ZDHHC14: variants seen among roughly 807,000 people sequenced by gnomAD.
The protein encoded by ZDHHC14 is palmitoyltransferase ZDHHC14.
A neutral mutation model predicts 47.7 loss-of-function variants in ZDHHC14; 16 were observed. That is an observed-to-expected ratio of 0.34 (90% CI 0.23 to 0.51). The LOEUF is 0.51. Ranked by LOEUF, ZDHHC14 falls within the 20% of genes least tolerant of loss-of-function variation. ZDHHC14 has a pLI of 0.97. For synonymous variants in ZDHHC14, 293 were observed against 278.9 expected (o/e 1.05, Z -0.50); for missense variants, 515 against 662.5 (o/e 0.78, Z 2.44).
At chr6:157,619,803 A>G (rs1785114546) in intron 3 of ZDHHC14, among the ~76,000 whole-genome samples, 1 of 152,200 alleles carries the variant, frequency 6.6e-6, no homozygotes, top group South Asian at 2.1e-4. Context: ...GAATTCATGC[A>G]GATACTAATA....
At chr6:157,434,367 C>T (rs928569041) in intron 1 of ZDHHC14, among the ~76,000 whole-genome samples, 4 of 151,948 alleles carry the variant, frequency 2.6e-5, no homozygotes, top group African/African-American at 9.7e-5. Context: ...CCGAGAACAC[C>T]CTTAGGAGCT....
chr6:157,393,122 G>A (rs146337407), intron 1 of ZDHHC14, among the ~76,000 whole-genome samples: 3,886 of 152,180 alleles, frequency 0.026, 185 homozygotes, highest in African/African-American at 0.089. Context: ...CAGGTGATTC[G>A]CCTGCCTCGG....
chr6:157,672,239 C>A (rs964891245), intron 8 of ZDHHC14, among the ~76,000 whole-genome samples: 1 of 152,218 alleles, frequency 6.6e-6, no homozygotes, highest in Non-Finnish European at 1.5e-5. Flanking sequence ...CTGCTGTCAT[C>A]CATCAGTGGA....
intron 3 of ZDHHC14, among the ~76,000 whole-genome samples, chr6:157,601,140 G>A (rs957192240): frequency 2.6e-5 from 4 of 152,182 alleles, no homozygotes; most frequent in Non-Finnish European, 4.4e-5. Flanking sequence ...TTGAAAGTCC[G>A]TCATTTCTGG....
chr6:157,488,774 A>C (rs1189522413), intron 1 of ZDHHC14, among the ~76,000 whole-genome samples: 1 of 152,194 alleles, frequency 6.6e-6, no homozygotes, highest in South Asian at 2.1e-4. Flanking sequence ...ACGTGTCTTT[A>C]AGAAGAGCAT....
intron 1 of ZDHHC14, among the ~76,000 whole-genome samples, chr6:157,527,088 G>C (rs1781181706): frequency 6.6e-6 from 1 of 152,114 alleles, no homozygotes; most frequent in African/African-American, 2.4e-5. Context: ...AGAATCTATG[G>C]ATCCTCCCAC....
intron 3 of ZDHHC14, among the ~76,000 whole-genome samples, chr6:157,602,060 G>A (rs1470796095): frequency 6.6e-6 from 1 of 151,898 alleles, no homozygotes; most frequent in African/African-American, 2.4e-5. Context: ...AAATTGGCTG[G>A]GCATGGTAGC....
At position 157,645,757 on chromosome 6, in the gene ZDHHC14, G is replaced by T; in HGVS notation, c.773G>T (p.Cys258Phe). 1 of 1,614,040 alleles carries T rather than the reference G, an allele frequency of 6.2e-7. No individual in the cohort carries two copies. The change falls in exon 6 of 9, where the codon TGC becomes TTC. Residue 258 changes from cysteine (C) to phenylalanine (F), a missense_variant. By Grantham distance (205) the Cys-to-Phe change is radical. Transcript: ENST00000359775. ...ATCACCGTCCTGGAGGCTGTGGTGT[G>T]CTTCTTCTCTGTCTGGTCCATCGTT... ...SPASVLEAVV[C>F]FFSVWSIVGL...
chr6:157,417,953 CAA>C (rs5881210), intron 1 of ZDHHC14, among the ~76,000 whole-genome samples: 29 of 76,724 alleles, frequency 3.8e-4, no homozygotes, highest in Admixed American at 6.1e-4. Flanking sequence ...GAGTCCATCT[CAA>C]AAAAAAAAAA....
chr6:157,433,193 T>C (rs998422767), intron 1 of ZDHHC14, among the ~76,000 whole-genome samples: 1 of 152,260 alleles, frequency 6.6e-6, no homozygotes, highest in African/African-American at 2.4e-5. Context: ...ATCACTCTAT[T>C]TCTTGAGACT....
chr6:157,556,739 A>G (rs1782483371), intron 2 of ZDHHC14, among the ~76,000 whole-genome samples: 2 of 152,208 alleles, frequency 1.3e-5, no homozygotes, highest in Non-Finnish European at 2.9e-5. Flanking sequence ...AGGGGACACG[A>G]GGCTGGTGTT....
chr6:157,672,637 C>T (rs1261284992), intron 8 of ZDHHC14, 87 bp from the exon 9 acceptor site: 4 of 313,792 alleles, frequency 1.3e-5, no homozygotes, highest in South Asian at 3.4e-5. Context: ...CCACCCTCCC[C>T]GCCCGTGCCC....
At chr6:157,423,616 T>C (rs1778152759) in intron 1 of ZDHHC14, among the ~76,000 whole-genome samples, 1 of 152,228 alleles carries the variant, frequency 6.6e-6, no homozygotes, top group African/African-American at 2.4e-5. Context: ...CCTCCAAATA[T>C]TATAGTCTGA....
chr6:157,551,912 G>A (rs1028426009), intron 2 of ZDHHC14, among the ~76,000 whole-genome samples: 1 of 152,146 alleles, frequency 6.6e-6, no homozygotes, highest in Non-Finnish European at 1.5e-5. Flanking sequence ...CTTAGTTTCA[G>A]TGTCTGTAAA....
At chr6:157,583,718 G>A (rs1357587867) in intron 2 of ZDHHC14, among the ~76,000 whole-genome samples, 3 of 152,120 alleles carry the variant, frequency 2.0e-5, no homozygotes, top group African/African-American at 7.2e-5. Context: ...CTTAGGTGCT[G>A]GCTGCAGATC....
rs1350174992 is a variant in ZDHHC14, at chr6:157,673,735, C to T, written c.*613C>T. 6.5e-6 allele frequency: 1 copy of T among 152,684 alleles called. No homozygotes were observed. Among genetic ancestry groups the T allele is most frequent in the Non-Finnish European group, 1.5e-5 (1 of 68,062 alleles). 9.5% of individuals were successfully genotyped at this position (152,684 alleles called of 1,614,324 possible). Reference sequence around the variant, plus strand: ...ATGGACAGTGTCATCACTCAGCTTACTGGGCTGAGGCGTCTGTGGAGAGGT... The same window carrying T: ...ATGGACAGTGTCATCACTCAGCTTATTGGGCTGAGGCGTCTGTGGAGAGGT... On this transcript the variant is annotated 3_prime_UTR_variant, in exon 9 of 9. Transcript: ENST00000359775. This position sits in a 1 kb window ranked among gnomAD's most constrained non-coding sequence, Gnocchi z 5.4.
chr6:157,419,348 G>T (rs1305428768), intron 1 of ZDHHC14, among the ~76,000 whole-genome samples: 5 of 152,164 alleles, frequency 3.3e-5, no homozygotes, highest in Non-Finnish European at 7.3e-5. Context: ...ATACAAAATA[G>T]TTTTTTCATA....
At chr6:157,558,334 T>A (rs1782563510) in intron 2 of ZDHHC14, among the ~76,000 whole-genome samples, 1 of 152,188 alleles carries the variant, frequency 6.6e-6, no homozygotes, top group Admixed American at 6.5e-5. Flanking sequence ...ATGCCTGGTA[T>A]TCTGATGGTT....
At chr6:157,540,061 C>T (rs1013623773) in intron 1 of ZDHHC14, among the ~76,000 whole-genome samples, 2 of 152,198 alleles carry the variant, frequency 1.3e-5, no homozygotes, top group African/African-American at 4.8e-5. Flanking sequence ...CAGCCCACTA[C>T]GCAGTTAGAG....
Sources: allele counts gnomAD v4.1 joint callset (sites outside exome capture counted in the v4.1 genomes callset), GRCh38; gene constraint gnomAD v4.1.1; non-coding constraint Gnocchi (gnomAD v3.1); transcripts MANE v1.5; gene names NCBI Gene and HGNC (gene_info 2026-07-23, HGNC 2026-07-21).